STT3B: variants seen among roughly 807,000 people sequenced by gnomAD.
STT3B encodes STT3 oligosaccharyltransferase complex catalytic subunit B, also known as dolichyl-diphosphooligosaccharide--protein glycosyltransferase subunit STT3B.
Under a neutral mutation model 96.8 loss-of-function variants are expected in STT3B, and 29 were observed. That is an observed-to-expected ratio of 0.30 (90% confidence interval 0.22 to 0.41). The LOEUF (loss-of-function observed/expected upper bound fraction) is 0.41, where lower values mean the gene tolerates loss of function less well. STT3B is among the 10% of genes least tolerant of loss of function. STT3B has a pLI of 1.00. For synonymous variants in STT3B, 367 were observed against 360.0 expected, an observed-to-expected ratio of 1.02 and a Z score of -0.22; for missense variants, 640 against 1,022.3, an observed-to-expected ratio of 0.63 and a Z score of 5.10.
At chr3:31,569,083 C>A (rs1250291336) in intron 1 of STT3B, among the ~76,000 whole-genome samples, 2 of 152,120 alleles carry the variant, frequency 1.3e-5, no homozygotes, top group Non-Finnish European at 2.9e-5. Context: ...GATTATAGCT[C>A]ACTGCAGCCT....
chr3:31,558,101 A>G lies in STT3B; in HGVS notation c.315-18295A>G, dbSNP rs914816759. Among the ~76,000 whole-genome samples, 3 of 152,296 alleles carry G rather than the reference A, an allele frequency of 2.0e-5. No homozygotes were observed. The East Asian group carries it at 5.8e-4, about 29-fold the overall frequency. ...TTGGCAGAGTCTTTTGGTTTTTCCA[A>G]ATATAAGATCAGGTGATATGCAAAG... On this transcript the variant is annotated intron_variant, in intron 1 of 15. Transcript: ENST00000295770.
intron 1 of STT3B, among the ~76,000 whole-genome samples, chr3:31,545,604 G>T (rs1697386693): frequency 6.6e-6 from 1 of 151,940 alleles, no homozygotes; most frequent in Non-Finnish European, 1.5e-5. Flanking sequence ...TTTACATCTG[G>T]CTGTGTTTCT....
At chr3:31,572,101 AATAT>A (rs1167734153) in intron 1 of STT3B, among the ~76,000 whole-genome samples, 1 of 134,814 alleles carries the variant, frequency 7.4e-6, no homozygotes, top group African/African-American at 3.0e-5. Context: ...TAAGATATTA[AATAT>A]ATATATTATA....
chr3:31,605,522 C>T (rs1699031368), intron 5 of STT3B, among the ~76,000 whole-genome samples: 1 of 152,006 alleles, frequency 6.6e-6, no homozygotes, highest in Non-Finnish European at 1.5e-5. Context: ...CTCACAAGAT[C>T]TGATGGTTTT....
At chr3:31,571,316 AAG>A (rs1178104329) in intron 1 of STT3B, among the ~76,000 whole-genome samples, 1 of 151,990 alleles carries the variant, frequency 6.6e-6, no homozygotes, top group African/African-American at 2.4e-5. Context: ...AGGTGTAAAA[AAG>A]AGAAGCAAAT....
At chr3:31,536,399 C>G (rs1318491404) in intron 1 of STT3B, among the ~76,000 whole-genome samples, 1 of 152,216 alleles carries the variant, frequency 6.6e-6, no homozygotes, top group African/African-American at 2.4e-5. Context: ...TGTGCATCCA[C>G]AAACCGATTT....
Position 31,632,966 on chromosome 3 carries a change from G to A in STT3B, c.2219G>A (p.Arg740Gln), listed in dbSNP as rs1373898852. The change falls in exon 15 of 16, where the codon CGA becomes CAA. Residue 740 changes from arginine (R) to glutamine (Q), a missense_variant. By Grantham distance (43) the Arg-to-Gln change is conservative. Around this residue, in one of 8 missense-constraint regions of STT3B, gnomAD observed 40 missense variants for 122.2 expected, o/e 0.33. Coordinates refer to ENST00000295770, the MANE Select transcript of STT3B (RefSeq NM_178862.3). ...TTTCGTACACCCCCAGGTTTTGACC[G>A]AACACGTAATGCTGAGATTGGAAAT... ...LDFRTPPGFD[R>Q]TRNAEIGNKD... 2.5e-6 allele frequency: 4 copies of A among 1,613,820 alleles called. No homozygotes were observed. Among genetic ancestry groups the A allele is most frequent in the Non-Finnish European group, 3.4e-6 (4 of 1,179,964 alleles).
intron 1 of STT3B, among the ~76,000 whole-genome samples, chr3:31,550,985 A>G (rs1004585249): frequency 3.3e-5 from 5 of 152,162 alleles, no homozygotes; most frequent in African/African-American, 1.2e-4. Flanking sequence ...TTGGGTATAT[A>G]TGAAGTGTTG....
chr3:31,577,001 G>A (rs1358891049), intron 2 of STT3B, among the ~76,000 whole-genome samples: 1 of 151,970 alleles, frequency 6.6e-6, no homozygotes, highest in Non-Finnish European at 1.5e-5. Context: ...TGACACAAAG[G>A]CAAATATTTT....
At chr3:31,587,017 T>C (rs148940112) in intron 3 of STT3B, among the ~76,000 whole-genome samples, 1 of 152,240 alleles carries the variant, frequency 6.6e-6, no homozygotes, top group East Asian at 1.9e-4. Flanking sequence ...TCTTTCCATT[T>C]ATTTAGATCT....
intron 1 of STT3B, among the ~76,000 whole-genome samples, chr3:31,566,054 A>G: frequency 6.6e-6 from 1 of 152,178 alleles, no homozygotes; most frequent in East Asian, 1.9e-4. Flanking sequence ...ATGAGTTTGT[A>G]CAAAAGCCCC....
chr3:31,607,443 C>T (rs1039824405), intron 5 of STT3B, among the ~76,000 whole-genome samples: 1 of 152,080 alleles, frequency 6.6e-6, no homozygotes, highest in African/African-American at 2.4e-5. Flanking sequence ...ATACTGTTCT[C>T]CTGGTGGTGC....
At chr3:31,559,179 G>GTGTT (rs1195875980) in intron 1 of STT3B, among the ~76,000 whole-genome samples, 2 of 145,180 alleles carry the variant, frequency 1.4e-5, no homozygotes, top group African/African-American at 5.2e-5. Flanking sequence ...GTGTGTGTGT[G>GTGTT]TGTGTGTGTG....
At chr3:31,548,916 C>T (rs1311546660) in intron 1 of STT3B, among the ~76,000 whole-genome samples, 1 of 152,188 alleles carries the variant, frequency 6.6e-6, no homozygotes, top group Non-Finnish European at 1.5e-5. Flanking sequence ...CTGCTTACTA[C>T]ATTCTTTGAT....
At chr3:31,538,740 T>C (rs1296652736) in intron 1 of STT3B, among the ~76,000 whole-genome samples, 1 of 152,108 alleles carries the variant, frequency 6.6e-6, no homozygotes, top group Non-Finnish European at 1.5e-5. Context: ...ATTAATACTG[T>C]TGAAAGGGGA....
intron 3 of STT3B, among the ~76,000 whole-genome samples, chr3:31,584,218 A>G (rs1203242451): frequency 2.6e-5 from 4 of 152,172 alleles, no homozygotes; most frequent in South Asian, 2.1e-4. Context: ...TCAAAAATCA[A>G]TTGATTATAA....
At chr3:31,632,366 A>G (rs1232644107) in intron 14 of STT3B, among the ~76,000 whole-genome samples, 13 of 152,232 alleles carry the variant, frequency 8.5e-5, no homozygotes, top group African/African-American at 2.9e-4. Context: ...TTACATCCCA[A>G]TCGAAGATAC....
intron 1 of STT3B, among the ~76,000 whole-genome samples, chr3:31,562,528 G>T (rs752210623): frequency 6.6e-6 from 1 of 152,166 alleles, no homozygotes; most frequent in Non-Finnish European, 1.5e-5. Flanking sequence ...CAAGGGAGGG[G>T]TGATCCCCAG....
Position 31,611,714 on chromosome 3 carries a change from C to CCCAGG in STT3B, c.878-3391_878-3390insCCAGG, listed in dbSNP as rs1483402291. ...GTTTCTCCATGTTGGTCAGGCTGGT[C>CCCAGG]TCAAATTCCCAACCTCAAGTGATGC... On this transcript the variant is annotated intron_variant, in intron 5 of 15. Transcript: ENST00000295770. 5.3e-5 allele frequency among the ~76,000 whole-genome samples: 8 copies of CCCAGG among 152,202 alleles called. 1 individual carries two copies. The East Asian group carries it at 9.7e-4, about 18-fold the overall frequency.
Sources: gnomAD v4.1 joint callset for allele counts (sites outside exome capture counted in the v4.1 genomes callset) on GRCh38, gnomAD v4.1.1 for gene constraint, gnomAD v4.1.1 regional missense constraint, MANE v1.5 for transcripts, NCBI Gene and HGNC (gene_info 2026-07-23, HGNC 2026-07-21) for gene names.